The following RHEX variants were observed in gnomAD, a reference collection of about 807,000 sequenced individuals.
The protein encoded by RHEX is regulator of hemoglobinization and erythroid cell expansion.
A neutral mutation model predicts 20.1 loss-of-function variants in RHEX; 18 were observed. The observed-to-expected ratio is 0.90, with a 90% CI of 0.62 to 1.33. The LOEUF (loss-of-function observed/expected upper bound fraction) is 1.33. RHEX is among the 40% of genes most tolerant of loss of function. The pLI, the probability that RHEX is intolerant of heterozygous loss-of-function variation, is 0.00. For synonymous variants in RHEX, 87 were observed against 77.1 expected (o/e 1.13, Z -0.67); for missense variants, 192 against 214.3 (o/e 0.90, Z 0.65).
intron 1 of RHEX, chr1:206,083,708 C>A (rs142465702): frequency 1.9e-5 from 17 of 888,934 alleles, no homozygotes; most frequent in Non-Finnish European, 2.3e-5. Flanking sequence ...CATTTGTTTG[C>A]GAGCATATAT....
rs1662106132 is a variant in RHEX, at chr1:206,053,243, G to A, written c.-119G>A. 6.5e-6 allele frequency: 1 copy of A among 152,770 alleles called. No individual in the cohort carries two copies. The highest frequency in any genetic ancestry group is 2.4e-5 in the African/African-American group (1 of 41,464). The allele number at this position is 152,770 out of a possible 1,614,324, so 9.5% of individuals were successfully genotyped here. A position where few individuals can be genotyped will look rare whatever the true frequency, so the allele number is the denominator to read the frequency against. On this transcript the variant is annotated 5_prime_UTR_variant, in exon 1 of 6. Transcript: ENST00000331555. ...GAACACCGGGAAGGAACTGGCACTT[G>A]GAGTCCGGACATCTGAAACTTGGTA... is the stretch of plus-strand genomic sequence containing the variant.
intron 1 of RHEX, among the ~76,000 whole-genome samples, chr1:206,058,545 C>A (rs1058760): frequency 1.3e-5 from 2 of 152,258 alleles, no homozygotes; most frequent in African/African-American, 4.8e-5. Flanking sequence ...GCGCCAGGCC[C>A]AAAACCAGGC....
chr1:206,065,813 C>T, intron 1 of RHEX, among the ~76,000 whole-genome samples: 1 of 152,346 alleles, frequency 6.6e-6, no homozygotes, highest in East Asian at 1.9e-4. Context: ...TCATCTTGGT[C>T]TGGTCTTGGT....
chr1:206,079,835 G>C (rs1662703983), intron 1 of RHEX, among the ~76,000 whole-genome samples: 1 of 152,232 alleles, frequency 6.6e-6, no homozygotes, highest in African/African-American at 2.4e-5. Flanking sequence ...TTACAGGCCT[G>C]AGCCACCGTG....
chr1:206,102,029 C>T lies in RHEX; in HGVS notation c.*77C>T. 4.1e-6 allele frequency: 5 copies of T among 1,231,410 alleles called. No homozygotes were observed. Among genetic ancestry groups the T allele is most frequent in the Non-Finnish European group, 4.7e-6 (4 of 844,418 alleles). The allele number at this position is 1,231,410 out of a possible 1,614,324, so 76.3% of individuals were successfully genotyped here. A position where few individuals can be genotyped will look rare whatever the true frequency, so the allele number is the denominator to read the frequency against. The stretch of plus-strand genomic sequence containing the variant: ...TTTGTAGGGAAATGCCATTTTTCCC[C>T]CTTAAACAAGGCATGGGGCTCACAA... On this transcript the variant is annotated 3_prime_UTR_variant, in exon 6 of 6. Transcript: ENST00000331555.
At chr1:206,092,809 A>G (rs1309661691) in intron 1 of RHEX, among the ~76,000 whole-genome samples, 2 of 152,194 alleles carry the variant, frequency 1.3e-5, no homozygotes, top group Non-Finnish European at 2.9e-5. Context: ...GAAACTGCAT[A>G]TTAAACTGGG....
At chr1:206,076,791 C>T (rs1662644361) in intron 1 of RHEX, among the ~76,000 whole-genome samples, 1 of 152,186 alleles carries the variant, frequency 6.6e-6, no homozygotes, top group Non-Finnish European at 1.5e-5. Context: ...TGAAGGATGG[C>T]TTATATGGAC....
At chr1:206,054,730 G>C (rs1471459207) in intron 1 of RHEX, among the ~76,000 whole-genome samples, 1 of 152,212 alleles carries the variant, frequency 6.6e-6, no homozygotes, top group African/African-American at 2.4e-5. Context: ...TGTCTACAAG[G>C]TTTTATTAAA....
At chr1:206,093,125 G>T (rs1475728378) in intron 1 of RHEX, among the ~76,000 whole-genome samples, 1 of 152,000 alleles carries the variant, frequency 6.6e-6, no homozygotes, top group Non-Finnish European at 1.5e-5. Context: ...CCTTCTTTTT[G>T]TTCTCTTTCC....
chr1:206,100,182 G>A (rs1318630518), intron 4 of RHEX, among the ~76,000 whole-genome samples: 5 of 152,178 alleles, frequency 3.3e-5, no homozygotes, highest in African/African-American at 1.2e-4. Context: ...CTATGTCAGT[G>A]TTATTGGCTG....
intron 1 of RHEX, among the ~76,000 whole-genome samples, chr1:206,076,167 T>C (rs1553285210): frequency 6.6e-6 from 1 of 152,132 alleles, no homozygotes; most frequent in Non-Finnish European, 1.5e-5. Flanking sequence ...CTTTTTTTTT[T>C]TTAATGAGAC....
intron 1 of RHEX, among the ~76,000 whole-genome samples, chr1:206,091,902 G>A (rs1459165720): frequency 1.3e-5 from 2 of 152,034 alleles, no homozygotes; most frequent in Non-Finnish European, 2.9e-5. Context: ...GTCTTCCTGT[G>A]CCCTGTATTG....
intron 3 of RHEX, 114 bp from the exon 4 acceptor site, chr1:206,099,541 A>C (rs1422008818): frequency 6.4e-6 from 6 of 944,762 alleles, no homozygotes; most frequent in Non-Finnish European, 1.6e-6. Context: ...CTGGTCTCGA[A>C]CTTGTGACCT....
In RHEX at chr1:206,058,897, G is replaced by A. The variant is rs551004877; in HGVS notation, c.-97+5632G>A. On this transcript the variant is annotated intron_variant, in intron 1 of 5. Coordinates refer to ENST00000331555, the MANE Select transcript of RHEX (RefSeq NM_001007544.4). ...TCAGTGTCTGGGAGGTTTTGTCTGC[G>A]GCTCGTCCTGCTACAACTGGACTTT... Among the ~76,000 whole-genome samples, 199 of 152,222 alleles carry A rather than the reference G, an allele frequency of 1.3e-3. 1 individual carries two copies. The highest frequency in any genetic ancestry group is 1.3e-3 in the Non-Finnish European group (88 of 68,010).
At chr1:206,090,523 A>G (rs546609682) in intron 1 of RHEX, among the ~76,000 whole-genome samples, 4 of 151,946 alleles carry the variant, frequency 2.6e-5, no homozygotes, top group African/African-American at 7.2e-5. Flanking sequence ...TCCTCTTCAA[A>G]TTGCAATTTC....
chr1:206,078,743 A>C (rs1388800429), intron 1 of RHEX, among the ~76,000 whole-genome samples: 1 of 152,104 alleles, frequency 6.6e-6, no homozygotes, highest in African/African-American at 2.4e-5. Context: ...AATCAATAAA[A>C]AGTTTAATCT....
At chr1:206,098,234 G>C (rs781870418) in intron 3 of RHEX, 53 bp downstream of exon 3, 5 of 1,331,366 alleles carry the variant, frequency 3.8e-6, no homozygotes, top group African/African-American at 2.9e-5. Flanking sequence ...GACCATTCTC[G>C]AGCCTCCAGC....
At chr1:206,057,281 C>T (rs910639311) in intron 1 of RHEX, among the ~76,000 whole-genome samples, 3 of 152,228 alleles carry the variant, frequency 2.0e-5, no homozygotes, top group East Asian at 1.9e-4. Flanking sequence ...ATGGGAAGCC[C>T]GAGAATTGGT....
At chr1:206,059,000 A>G (rs1399769717) in intron 1 of RHEX, among the ~76,000 whole-genome samples, 1 of 152,086 alleles carries the variant, frequency 6.6e-6, no homozygotes, top group Non-Finnish European at 1.5e-5. Flanking sequence ...CAGGATAGGT[A>G]CTTGCCTTTC....
Sources: gnomAD v4.1 joint callset for allele counts (sites outside exome capture counted in the v4.1 genomes callset) on GRCh38, gnomAD v4.1.1 for gene constraint, MANE v1.5 for transcripts, NCBI Gene and HGNC (gene_info 2026-07-23, HGNC 2026-07-21) for gene names.